The following CADPS2 variants were observed in gnomAD, a reference collection of about 807,000 sequenced individuals.
CADPS2 encodes calcium dependent secretion activator 2.
CADPS2 carries 93 observed loss-of-function variants against 172.5 expected under a neutral mutation model. The ratio of observed to expected loss-of-function variants is 0.54; its 90% CI spans 0.46 to 0.64. The LOEUF (loss-of-function observed/expected upper bound fraction) is 0.64, where lower values mean the gene tolerates loss of function less well. Among genes scored for constraint, CADPS2 ranks in the 30% least tolerant of loss-of-function variants. CADPS2 has a pLI of 0.00. For synonymous variants in CADPS2, 546 were observed against 555.2 expected, an observed-to-expected ratio of 0.98 and a Z score of 0.23; for missense variants, 1,420 against 1,565.9, an observed-to-expected ratio of 0.91 and a Z score of 1.57.
chr7:122,554,621 A>G lies in CADPS2; in HGVS notation c.1404T>C (p.Asn468=). The change falls in exon 8 of 30, where the codon AAT becomes AAC. Residue 468 remains asparagine (N), a synonymous_variant. Coordinates refer to ENST00000449022, the MANE Select transcript of CADPS2 (RefSeq NM_017954.11). ...TGATTTTTAAGTCAGAATCCTGGCT[A>G]TTTTTTGGAACTACCATTCGGTGTA... ...AELHRMVVPK[N]SQDSDLKIKL... The G allele has an allele frequency of 6.2e-7, 1 of 1,611,908 alleles. No individual in the cohort carries two copies. Among genetic ancestry groups the G allele is most frequent in the Non-Finnish European group, 8.5e-7 (1 of 1,178,820 alleles).
At position 122,825,279 on chromosome 7, in the gene CADPS2, C is replaced by G. The variant is rs1434873476; in HGVS notation, c.339+60720G>C. Among the ~76,000 whole-genome samples the G allele has an allele frequency of 2.6e-5, 4 of 152,148 alleles. No individual in the cohort carries two copies. The South Asian group carries it at 6.2e-4, about 24-fold the overall frequency. On this transcript the variant is annotated intron_variant, in intron 1 of 29. Coordinates refer to ENST00000449022, the MANE Select transcript of CADPS2 (RefSeq NM_017954.11). ...ACACTTTGTAAAATAGAAAATAACC[C>G]AAGCATGAGGATATCATGCCATCAA...
chr7:122,850,417 C>A, intron 1 of CADPS2: 1 of 292,894 alleles, frequency 3.4e-6, no homozygotes. Context: ...TTGAATCCCT[C>A]CCAAAGCACT....
At chr7:122,636,733 A>C (rs1002952075) in intron 3 of CADPS2, among the ~76,000 whole-genome samples, 1 of 152,038 alleles carries the variant, frequency 6.6e-6, no homozygotes, top group Non-Finnish European at 1.5e-5. Context: ...CCCAAAGTGC[A>C]TGGGATTACA....
chr7:122,429,041 GT>G (rs2049545829), intron 17 of CADPS2, among the ~76,000 whole-genome samples: 1 of 151,942 alleles, frequency 6.6e-6, no homozygotes, highest in African/African-American at 2.4e-5. Context: ...AACAACCAGT[GT>G]TTGTTACCAC....
intron 9 of CADPS2, among the ~76,000 whole-genome samples, chr7:122,501,887 A>AAAAAAAAAAAAG: frequency 6.6e-6 from 1 of 150,822 alleles, no homozygotes; most frequent in Non-Finnish European, 1.5e-5. Context: ...AAAAAAAAAA[A>AAAAAAAAAAAAG]AAAAAAAAAA....
chr7:122,711,796 G>T (rs1429836064), intron 2 of CADPS2, among the ~76,000 whole-genome samples: 1 of 151,966 alleles, frequency 6.6e-6, no homozygotes, highest in Non-Finnish European at 1.5e-5. Context: ...GGGATTACAG[G>T]CACGTGCCAC....
intron 1 of CADPS2, among the ~76,000 whole-genome samples, chr7:122,778,744 A>T (rs1266584455): frequency 6.6e-6 from 1 of 152,232 alleles, no homozygotes; most frequent in East Asian, 1.9e-4. Flanking sequence ...CACAGAAGTC[A>T]AGAATTGAGG....
At chr7:122,801,980 C>T (rs1797756086) in intron 1 of CADPS2, among the ~76,000 whole-genome samples, 2 of 152,110 alleles carry the variant, frequency 1.3e-5, no homozygotes, top group South Asian at 2.1e-4. Flanking sequence ...AAAAGTATTA[C>T]TTAAAAATCT....
intron 6 of CADPS2, among the ~76,000 whole-genome samples, chr7:122,603,900 A>G (rs899203267): frequency 6.6e-6 from 1 of 152,180 alleles, no homozygotes; most frequent in Non-Finnish European, 1.5e-5. Context: ...GGTGAGGGAA[A>G]TGAGATGTTG....
chr7:122,870,194 T>C (rs1442589740), intron 1 of CADPS2, among the ~76,000 whole-genome samples: 1 of 151,954 alleles, frequency 6.6e-6, no homozygotes, highest in Non-Finnish European at 1.5e-5. Context: ...ACTACCCAAC[T>C]ATATGCTTCC....
At chr7:122,749,376 A>G (rs1353185120) in intron 1 of CADPS2, among the ~76,000 whole-genome samples, 2 of 152,152 alleles carry the variant, frequency 1.3e-5, no homozygotes, top group African/African-American at 2.4e-5. Context: ...GAGAACAGCC[A>G]CTGGATAGGC....
intron 1 of CADPS2, among the ~76,000 whole-genome samples, chr7:122,860,554 T>TG: frequency 6.6e-6 from 1 of 152,126 alleles, no homozygotes; most frequent in Admixed American, 6.5e-5. Flanking sequence ...TTTTTAAAGA[T>TG]AAAGGTAATT....
chr7:122,358,687 A>G (rs2039739463), intron 27 of CADPS2, among the ~76,000 whole-genome samples: 1 of 152,146 alleles, frequency 6.6e-6, no homozygotes, highest in Admixed American at 6.5e-5. Flanking sequence ...TCAGAGAGGC[A>G]TACTTGCTGG....
intron 25 of CADPS2, among the ~76,000 whole-genome samples, chr7:122,369,467 A>T (rs932401136): frequency 1.3e-5 from 2 of 151,814 alleles, no homozygotes; most frequent in African/African-American, 4.8e-5. Context: ...CCTCTTTTCC[A>T]TAGGTGTTCC....
chr7:122,763,553 T>C (rs897682959), intron 1 of CADPS2, among the ~76,000 whole-genome samples: 1 of 152,222 alleles, frequency 6.6e-6, no homozygotes, highest in Non-Finnish European at 1.5e-5. Flanking sequence ...AAATGGACTG[T>C]ATCATAAACA....
chr7:122,418,630 A>T (rs2048210135), intron 17 of CADPS2, among the ~76,000 whole-genome samples: 1 of 152,190 alleles, frequency 6.6e-6, no homozygotes, highest in African/African-American at 2.4e-5. Context: ...AGATGATAGT[A>T]GGAATAGAAA....
intron 9 of CADPS2, among the ~76,000 whole-genome samples, chr7:122,500,466 G>A (rs1327356421): frequency 6.6e-6 from 1 of 151,956 alleles, no homozygotes. Flanking sequence ...ACTCTTAAAT[G>A]TATCCTCTTC....
At chr7:122,323,871 TTTTATATATATATA>T (rs1194000302) in intron 29 of CADPS2, among the ~76,000 whole-genome samples, 10 of 117,148 alleles carry the variant, frequency 8.5e-5, no homozygotes, top group Non-Finnish European at 1.7e-4. Context: ...CATATGTATA[TTTTATATATATATA>T]TATATATATA....
intron 2 of CADPS2, among the ~76,000 whole-genome samples, chr7:122,707,019 C>T (rs1308732369): frequency 6.6e-6 from 1 of 151,420 alleles, no homozygotes; most frequent in South Asian, 2.1e-4. Flanking sequence ...GAGCACATGG[C>T]CAGAGGAAGG....
Sources: gnomAD v4.1 joint callset for allele counts (sites outside exome capture counted in the v4.1 genomes callset) on GRCh38, gnomAD v4.1.1 for gene constraint, MANE v1.5 for transcripts, NCBI Gene and HGNC (gene_info 2026-07-23, HGNC 2026-07-21) for gene names.